Variants in EPDR1 observed in about 807,000 individuals in gnomAD.
The protein encoded by EPDR1 is mammalian ependymin-related protein 1.
Under a neutral mutation model 23.7 loss-of-function variants are expected in EPDR1, and 27 were observed. That is an observed-to-expected ratio of 1.14 (90% CI 0.84 to 1.57). The LOEUF (loss-of-function observed/expected upper bound fraction) is 1.57. Among genes scored for constraint, EPDR1 ranks in the 40% most tolerant of loss-of-function variants. The pLI is 0.00. For missense variants in EPDR1, 349 were observed against 290.4 expected, an observed-to-expected ratio of 1.20 and a Z score of -1.47; for synonymous variants, 137 against 118.2, an observed-to-expected ratio of 1.16 and a Z score of -1.03.
chr7:37,932,774 A>G (rs185132045), intron 1 of EPDR1, among the ~76,000 whole-genome samples: 3 of 152,332 alleles, frequency 2.0e-5, no homozygotes, highest in African/African-American at 7.2e-5. Context: ...GTGGTGGTGA[A>G]ACAAAACTCA....
Position 37,950,478 on chromosome 7 carries a change from G to A in EPDR1, c.*82G>A, listed in dbSNP as rs1786380970. ...AGATGGATATGAGACTAGTCAAGAT[G>A]TGAATGCTAATTGGAGAGAAATATA... On this transcript the variant is annotated 3_prime_UTR_variant, in exon 3 of 3. Transcript: ENST00000199448. 1.6e-6 allele frequency: 2 copies of A among 1,214,164 alleles called. No individual in the cohort carries two copies. Among genetic ancestry groups the A allele is most frequent in the East Asian group, 2.6e-5 (1 of 39,160 alleles). The allele number at this position is 1,214,164 out of a possible 1,614,324, so 75.2% of individuals were successfully genotyped here. A position where few individuals can be genotyped will look rare whatever the true frequency, so the allele number is the denominator to read the frequency against.
chr7:37,926,732 C>T lies in EPDR1; in HGVS notation c.269+5524C>T, dbSNP rs1024835527. ...TCTGTTCCAATTGCATCCTGATGTT[C>T]ACTTTGATCACCTGATTGACTGTTG... On this transcript the variant is annotated intron_variant, in intron 1 of 2. Coordinates refer to ENST00000199448, the MANE Select transcript of EPDR1 (RefSeq NM_017549.5). 1.1e-5 allele frequency: 5 copies of T among 451,844 alleles called. No homozygotes were observed. In the Admixed American group the frequency reaches 1.2e-4, roughly 11 times the overall value. The allele number at this position is 451,844 out of a possible 1,614,324, so 28.0% of individuals were successfully genotyped here. A position where few individuals can be genotyped will look rare whatever the true frequency, so the allele number is the denominator to read the frequency against.
At chr7:37,921,294 T>A in intron 1 of EPDR1, 86 bp downstream of exon 1, 2 of 1,474,748 alleles carry the variant, frequency 1.4e-6, no homozygotes, top group Non-Finnish European at 1.8e-6. Flanking sequence ...GCCCTGTAAC[T>A]CTTTCCGGCC....
At chr7:37,943,559 G>A (rs549222208) in intron 1 of EPDR1, among the ~76,000 whole-genome samples, 2 of 152,310 alleles carry the variant, frequency 1.3e-5, no homozygotes, top group East Asian at 3.9e-4. Context: ...ATTTGTCATA[G>A]AGCAGTACTA....
At chr7:37,930,376 C>A (rs1170939011) in intron 1 of EPDR1, among the ~76,000 whole-genome samples, 1 of 152,206 alleles carries the variant, frequency 6.6e-6, no homozygotes, top group Non-Finnish European at 1.5e-5. Flanking sequence ...CAATAGGTAA[C>A]ATATAACTTA....
chr7:37,941,357 G>T (rs752319037), intron 1 of EPDR1, among the ~76,000 whole-genome samples: 1 of 152,166 alleles, frequency 6.6e-6, no homozygotes, highest in Non-Finnish European at 1.5e-5. Context: ...ATTGCAAAAG[G>T]AAACACTTTT....
At chr7:37,924,067 C>T (rs895260596) in intron 1 of EPDR1, among the ~76,000 whole-genome samples, 4 of 152,204 alleles carry the variant, frequency 2.6e-5, no homozygotes, top group Non-Finnish European at 5.9e-5. Context: ...TAAGGAAACT[C>T]AAATGCTAAA....
chr7:37,933,973 A>ATTATTTTT (rs1785996076), intron 1 of EPDR1, among the ~76,000 whole-genome samples: 1 of 142,626 alleles, frequency 7.0e-6, no homozygotes, highest in East Asian at 2.2e-4. Flanking sequence ...TTATTCTGCC[A>ATTATTTTT]TTCTTTTTTT....
intron 1 of EPDR1, chr7:37,926,876 A>G: frequency 3.2e-6 from 1 of 308,524 alleles, no homozygotes; most frequent in Non-Finnish European, 6.7e-6. Flanking sequence ...TCTGAATTAT[A>G]CTTTATTTGT....
intron 1 of EPDR1, among the ~76,000 whole-genome samples, chr7:37,946,040 G>A (rs970687337): frequency 6.6e-6 from 1 of 152,178 alleles, no homozygotes; most frequent in African/African-American, 2.4e-5. Context: ...CCATGTCCCT[G>A]CAAAGGACAT....
Position 37,950,440 on chromosome 7 carries a change from C to A in EPDR1, c.*44C>A, listed in dbSNP as rs112189283. 2.0e-6 allele frequency: 3 copies of A among 1,520,810 alleles called. No individual in the cohort carries two copies. The highest frequency in any genetic ancestry group is 2.4e-5 in the East Asian group (1 of 42,352). The allele number at this position is 1,520,810 out of a possible 1,614,324, so 94.2% of individuals were successfully genotyped here. A position where few individuals can be genotyped will look rare whatever the true frequency, so the allele number is the denominator to read the frequency against. ...GGCAGCATCGGATGTCAGCCCCCTG[C>A]GGCCCCAGCTGGAGATGGATATGAG... On this transcript the variant is annotated 3_prime_UTR_variant, in exon 3 of 3. Transcript: ENST00000199448.
At chr7:37,930,191 C>T (rs1785905441) in intron 1 of EPDR1, among the ~76,000 whole-genome samples, 2 of 152,132 alleles carry the variant, frequency 1.3e-5, no homozygotes, top group Admixed American at 6.5e-5. Context: ...TGGGCCCTGC[C>T]GATGAGTGAC....
intron 1 of EPDR1, among the ~76,000 whole-genome samples, chr7:37,933,078 GT>G (rs1209002738): frequency 6.6e-6 from 1 of 152,194 alleles, no homozygotes; most frequent in African/African-American, 2.4e-5. Context: ...CGCACAATGA[GT>G]TTGTATCTAA....
At chr7:37,922,254 A>G (rs57149599) in intron 1 of EPDR1, among the ~76,000 whole-genome samples, 6,085 of 152,302 alleles carry the variant, frequency 0.04, 186 homozygotes, top group East Asian at 0.086. Flanking sequence ...ACTTGATAAT[A>G]TCATTTATTC....
At position 37,949,001 on chromosome 7, in the gene EPDR1, A is replaced by G. The variant is rs1786339533; in HGVS notation, c.431A>G (p.Glu144Gly). Residue 144 changes from glutamate (E) to glycine (G), a missense_variant, in exon 2 of 3, where the codon GAG (glutamate) becomes GGG (glycine). Physicochemically the swap from Glu to Gly is moderately conservative, Grantham distance 98. Transcript: ENST00000199448. ...EDQYSIGGPQ[E>G]QITVQEWSDR... ...CAGTACTCCATCGGGGGGCCTCAGG[A>G]GCAGATCACCGTCCAGGAGTGGTCG... 6.2e-7 allele frequency: 1 copy of G among 1,614,154 alleles called. No individual in the cohort carries two copies.
At chr7:37,937,107 A>G (rs540619876) in intron 1 of EPDR1, among the ~76,000 whole-genome samples, 5 of 152,308 alleles carry the variant, frequency 3.3e-5, no homozygotes, top group African/African-American at 9.6e-5. Flanking sequence ...ATCCACATAC[A>G]TCTGGAAATT....
At position 37,920,697 on chromosome 7, in the gene EPDR1, C is replaced by G. The variant is rs777684680; in HGVS notation, c.-243C>G. The G allele has an allele frequency of 6.3e-7, 1 of 1,597,764 alleles. No homozygotes were observed. The highest frequency in any genetic ancestry group is 8.5e-7 in the Non-Finnish European group (1 of 1,169,924). On this transcript the variant is annotated 5_prime_UTR_variant, in exon 1 of 3. Coordinates refer to ENST00000199448, the MANE Select transcript of EPDR1 (RefSeq NM_017549.5). ...GCAGGCAGTGGCAGCAGGCAGTGGC[C>G]CAGGCAGAAATAGCTCCCGCGCGAT...
chr7:37,944,836 C>T (rs959140212), intron 1 of EPDR1, among the ~76,000 whole-genome samples: 9 of 152,210 alleles, frequency 5.9e-5, no homozygotes, highest in South Asian at 4.1e-4. Context: ...GGAGTGATGG[C>T]GATGATTTCA....
In EPDR1 at chr7:37,950,590, C is replaced by T. The variant is rs758836622; in HGVS notation, c.*194C>T. ...CTGTTTACAGAAGAAAATTGAATGGCGAGGGTGTGGCCATATGAACTGACT... is the reference window on the plus strand; with the variant it reads ...CTGTTTACAGAAGAAAATTGAATGGTGAGGGTGTGGCCATATGAACTGACT... On this transcript the variant is annotated 3_prime_UTR_variant, in exon 3 of 3. Transcript: ENST00000199448. 90 of 598,346 alleles carry T rather than the reference C, an allele frequency of 1.5e-4. No homozygotes were observed. Among genetic ancestry groups the T allele is most frequent in the Non-Finnish European group, 2.1e-4 (72 of 348,218 alleles). 37.1% of individuals were successfully genotyped at this position (598,346 alleles called of 1,614,324 possible). A position where few individuals can be genotyped will look rare whatever the true frequency, so the allele number is the denominator to read the frequency against.
Sources: allele counts gnomAD v4.1 joint callset (sites outside exome capture counted in the v4.1 genomes callset), GRCh38; gene constraint gnomAD v4.1.1; transcripts MANE v1.5; gene names NCBI Gene and HGNC (gene_info 2026-07-23, HGNC 2026-07-21).